Variants in ARNT2 observed in about 807,000 individuals in gnomAD.
ARNT2 encodes the protein ARNT protein 2.
In ARNT2, 36 loss-of-function variants were observed where a neutral mutation model predicts 91.7. That is an observed-to-expected ratio of 0.39 (90% CI 0.30 to 0.52). The LOEUF is 0.52. Among genes scored for constraint, ARNT2 ranks in the 20% least tolerant of loss-of-function variants. ARNT2 has a pLI of 0.72. For missense variants in ARNT2, 775 were observed against 939.3 expected (o/e 0.83, Z 2.29); for synonymous variants, 365 against 347.1 (o/e 1.05, Z -0.57).
At chr15:80,482,941 G>T (rs1364991610) in intron 5 of ARNT2, among the ~76,000 whole-genome samples, 2 of 152,214 alleles carry the variant, frequency 1.3e-5, no homozygotes, top group African/African-American at 4.8e-5. Flanking sequence ...CAAGTTATCT[G>T]GATTGAGTCC....
chr15:80,415,513 G>C (rs1176588585), intron 1 of ARNT2, among the ~76,000 whole-genome samples: 1 of 152,200 alleles, frequency 6.6e-6, no homozygotes, highest in African/African-American at 2.4e-5. Flanking sequence ...GGCGTGATGT[G>C]ATCAGAGGTG....
At chr15:80,525,658 A>G (rs1047174871) in intron 8 of ARNT2, among the ~76,000 whole-genome samples, 3 of 152,192 alleles carry the variant, frequency 2.0e-5, no homozygotes, top group Non-Finnish European at 4.4e-5. Context: ...TTTCCAAACA[A>G]GTTTATAGAA....
intron 6 of ARNT2, among the ~76,000 whole-genome samples, chr15:80,508,626 T>C (rs886964112): frequency 1.3e-5 from 2 of 152,256 alleles, no homozygotes; most frequent in African/African-American, 2.4e-5. Flanking sequence ...TTCACACTTA[T>C]TCATATATTT....
At chr15:80,463,858 C>G (rs1326879816) in intron 3 of ARNT2, among the ~76,000 whole-genome samples, 1 of 152,180 alleles carries the variant, frequency 6.6e-6, no homozygotes, top group Non-Finnish European at 1.5e-5. Flanking sequence ...GTGTGAGCCA[C>G]TGTGCCCAGC....
rs150703846 is a variant in ARNT2 at position 80,438,188 on chromosome 15, T to G, written c.32-12692T>G. Among the ~76,000 whole-genome samples, 3 of 152,350 alleles carry G rather than the reference T, an allele frequency of 2.0e-5. No individual in the cohort carries two copies. In the East Asian group the frequency reaches 5.8e-4, roughly 29 times the overall value. ...AGTTAAACTCTAAGTCAGAAACAGT[T>G]GTATCTAGACCTTGCCCGCTGCTAG... On this transcript the variant is annotated intron_variant, in intron 1 of 18. Coordinates refer to ENST00000303329, the MANE Select transcript of ARNT2 (RefSeq NM_014862.4).
chr15:80,436,459 G>A (rs1896087578), intron 1 of ARNT2: 1 of 154,408 alleles, frequency 6.5e-6, no homozygotes, highest in African/African-American at 2.4e-5. Context: ...ATCCATCCAG[G>A]TGTCCCCATC....
chr15:80,486,350 G>T (rs1896972895), intron 5 of ARNT2, among the ~76,000 whole-genome samples: 1 of 152,206 alleles, frequency 6.6e-6, no homozygotes, highest in Non-Finnish European at 1.5e-5. Context: ...GTAAAACCCA[G>T]TATAGATTGT....
intron 8 of ARNT2, among the ~76,000 whole-genome samples, chr15:80,523,210 A>G (rs1405262825): frequency 6.6e-6 from 1 of 152,184 alleles, no homozygotes; most frequent in Non-Finnish European, 1.5e-5. Flanking sequence ...TTAAGAGTAA[A>G]GGGATGTGGA....
At chr15:80,562,274 G>A (rs1009001259) in intron 11 of ARNT2, among the ~76,000 whole-genome samples, 1 of 152,084 alleles carries the variant, frequency 6.6e-6, no homozygotes, top group Non-Finnish European at 1.5e-5. Context: ...TGCCATGTTG[G>A]CCAGGCTGGA....
At chr15:80,491,796 C>CTTTTT (rs58958624) in intron 5 of ARNT2, among the ~76,000 whole-genome samples, 13 of 67,604 alleles carry the variant, frequency 1.9e-4, no homozygotes, top group African/African-American at 3.2e-4. Flanking sequence ...CAGGACAGGC[C>CTTTTT]TTTTTTTTTT....
At chr15:80,561,739 C>T (rs1376568606) in intron 11 of ARNT2, among the ~76,000 whole-genome samples, 2 of 152,178 alleles carry the variant, frequency 1.3e-5, no homozygotes, top group Admixed American at 6.5e-5. Context: ...ACACTATGTT[C>T]ACTACCTGCC....
chr15:80,499,750 G>A (rs1200243012), intron 5 of ARNT2, among the ~76,000 whole-genome samples: 1 of 152,234 alleles, frequency 6.6e-6, no homozygotes, highest in East Asian at 1.9e-4. Context: ...GGCCCAGGGT[G>A]TGTCAGGTGC....
chr15:80,480,993 T>C (rs1327532164), intron 5 of ARNT2, among the ~76,000 whole-genome samples: 5 of 152,356 alleles, frequency 3.3e-5, no homozygotes, highest in African/African-American at 1.2e-4. Context: ...CCAGCTGTTG[T>C]TGAATGAATG....
chr15:80,418,757 ACCTGG>A (rs1164612805), intron 1 of ARNT2, among the ~76,000 whole-genome samples: 1 of 152,050 alleles, frequency 6.6e-6, no homozygotes. Context: ...GTACCTCCTT[ACCTGG>A]CCCTGCTGGG....
intron 8 of ARNT2, among the ~76,000 whole-genome samples, chr15:80,519,043 T>G (rs1033238024): frequency 3.3e-5 from 5 of 152,148 alleles, no homozygotes; most frequent in African/African-American, 1.2e-4. Context: ...AATAATACAT[T>G]CATATAGTAA....
chr15:80,419,357 T>G (rs1195946296), intron 1 of ARNT2, among the ~76,000 whole-genome samples: 1 of 152,236 alleles, frequency 6.6e-6, no homozygotes, highest in Non-Finnish European at 1.5e-5. Flanking sequence ...CTCACCTGGT[T>G]CAGGATGGCT....
intron 11 of ARNT2, among the ~76,000 whole-genome samples, chr15:80,561,368 G>A (rs1898346415): frequency 6.6e-6 from 1 of 152,120 alleles, no homozygotes; most frequent in South Asian, 2.1e-4. Flanking sequence ...TGTATTTTGT[G>A]CCAGGGGTGT....
intron 10 of ARNT2, among the ~76,000 whole-genome samples, chr15:80,554,322 T>C (rs1202600513): frequency 6.6e-6 from 1 of 152,060 alleles, no homozygotes; most frequent in Non-Finnish European, 1.5e-5. Flanking sequence ...GGCAGGAGAA[T>C]TGCTTGAACC....
At chr15:80,464,438 G>A (rs1409849627) in intron 3 of ARNT2, among the ~76,000 whole-genome samples, 1 of 152,310 alleles carries the variant, frequency 6.6e-6, no homozygotes, top group East Asian at 1.9e-4. Context: ...ATTGTCAGAG[G>A]TGCCGGGCCT....
Sources: gnomAD v4.1 joint callset for allele counts (sites outside exome capture counted in the v4.1 genomes callset) on GRCh38, gnomAD v4.1.1 for gene constraint, MANE v1.5 for transcripts, NCBI Gene and HGNC (gene_info 2026-07-23, HGNC 2026-07-21) for gene names.